Variants in NRG3 observed in about 807,000 individuals in gnomAD.
NRG3 encodes pro-neuregulin-3, membrane-bound isoform.
NRG3 carries 31 observed loss-of-function variants against 66.9 expected under a neutral mutation model. That is an observed-to-expected ratio of 0.46 (90% CI 0.35 to 0.63). The LOEUF is 0.63. Ranked by LOEUF, NRG3 falls within the 20% of genes least tolerant of loss-of-function variation. The pLI, the probability that NRG3 is intolerant of heterozygous loss-of-function variation, is 0.00. For synonymous variants in NRG3, 393 were observed against 359.4 expected, an observed-to-expected ratio of 1.09 and a Z score of -1.06; for missense variants, 910 against 878.9, an observed-to-expected ratio of 1.04 and a Z score of -0.45.
intron 2 of NRG3, among the ~76,000 whole-genome samples, chr10:82,501,649 A>G (rs573792737): frequency 4.7e-4 from 72 of 151,828 alleles, no homozygotes; most frequent in Non-Finnish European, 9.6e-4. Context: ...CTAAAATATT[A>G]TTTTCCCAGA....
intron 2 of NRG3, among the ~76,000 whole-genome samples, chr10:82,705,396 C>G (rs545003130): frequency 2.2e-4 from 33 of 152,248 alleles, no homozygotes; most frequent in Non-Finnish European, 4.4e-4. Flanking sequence ...GGGGGCAGAG[C>G]CCAGCAATCT....
chr10:82,015,134 G>A (rs781771408), intron 1 of NRG3, among the ~76,000 whole-genome samples: 15 of 152,134 alleles, frequency 9.9e-5, no homozygotes, highest in Non-Finnish European at 2.2e-4. Context: ...TCGAGGTAGG[G>A]ACAACAATGT....
intron 1 of NRG3, 130 bp from the exon 2 acceptor site, chr10:82,358,609 T>A (rs2083924853): frequency 8.1e-7 from 1 of 1,235,122 alleles, no homozygotes; most frequent in Non-Finnish European, 1.2e-6. Context: ...GGGTTGGAGC[T>A]GTCTGTCTAG....
chr10:82,306,903 G>A (rs960287973), intron 1 of NRG3, among the ~76,000 whole-genome samples: 4 of 151,826 alleles, frequency 2.6e-5, no homozygotes, highest in African/African-American at 9.7e-5. Flanking sequence ...ACTTCATCAA[G>A]CTGTAGCTCT....
At chr10:82,254,026 C>G (rs2077600429) in intron 1 of NRG3, among the ~76,000 whole-genome samples, 1 of 152,204 alleles carries the variant, frequency 6.6e-6, no homozygotes, top group East Asian at 1.9e-4. Context: ...ATCACATTCA[C>G]AGTTTTTCAC....
chr10:82,522,039 C>CTTT (rs71009811), intron 2 of NRG3, among the ~76,000 whole-genome samples: 81 of 97,728 alleles, frequency 8.3e-4, no homozygotes, highest in African/African-American at 1.3e-3. Context: ...CCGCTGAAGT[C>CTTT]TTTTTTTTTT....
At chr10:82,132,542 T>TATATCATATATATATATATG (rs1388724448) in intron 1 of NRG3, among the ~76,000 whole-genome samples, 7 of 130,922 alleles carry the variant, frequency 5.3e-5, no homozygotes, top group Non-Finnish European at 6.3e-5. Context: ...ATATGATATA[T>TATATCATATATATATATATG]ATATATCTTT....
At chr10:82,299,193 G>T (rs768979384) in intron 1 of NRG3, among the ~76,000 whole-genome samples, 1 of 152,188 alleles carries the variant, frequency 6.6e-6, no homozygotes, top group Non-Finnish European at 1.5e-5. Context: ...GAGTGGCTGA[G>T]TCAAGGATGA....
At chr10:82,734,283 C>A (rs1488299958) in intron 2 of NRG3, among the ~76,000 whole-genome samples, 1 of 152,132 alleles carries the variant, frequency 6.6e-6, no homozygotes, top group Non-Finnish European at 1.5e-5. Context: ...ATTTCAGGTA[C>A]AGCTGGGCAG....
chr10:82,703,398 A>T (rs1054546076), intron 2 of NRG3, among the ~76,000 whole-genome samples: 5 of 152,156 alleles, frequency 3.3e-5, no homozygotes, highest in Admixed American at 6.6e-5. Context: ...CCTAACTTGG[A>T]TAATACCAAA....
At chr10:81,995,794 T>C (rs2060917350) in intron 1 of NRG3, among the ~76,000 whole-genome samples, 1 of 152,216 alleles carries the variant, frequency 6.6e-6, no homozygotes. Context: ...ACAGAATTCC[T>C]TGTACTTTCT....
chr10:82,786,025 A>G (rs1328963632), intron 3 of NRG3, among the ~76,000 whole-genome samples: 1 of 152,172 alleles, frequency 6.6e-6, no homozygotes. Flanking sequence ...GTGAGCCAAG[A>G]CAGAGGCTTG....
intron 1 of NRG3, among the ~76,000 whole-genome samples, chr10:82,111,707 A>G (rs1198017497): frequency 1.3e-5 from 2 of 152,176 alleles, no homozygotes; most frequent in Non-Finnish European, 2.9e-5. Context: ...GAGGGTCTCT[A>G]TTAAATTCTT....
intron 2 of NRG3, among the ~76,000 whole-genome samples, chr10:82,556,321 G>A (rs2044647999): frequency 6.6e-6 from 1 of 152,036 alleles, no homozygotes; most frequent in Non-Finnish European, 1.5e-5. Flanking sequence ...TCTTAGACAT[G>A]GTGAAGATGT....
chr10:82,304,254 T>C (rs1024470020), intron 1 of NRG3, among the ~76,000 whole-genome samples: 1 of 152,204 alleles, frequency 6.6e-6, no homozygotes, highest in Admixed American at 6.5e-5. Context: ...TGAATGTGAC[T>C]GGAATCTTTT....
At chr10:82,867,197 G>GA (rs1284148381) in intron 4 of NRG3, among the ~76,000 whole-genome samples, 1 of 152,094 alleles carries the variant, frequency 6.6e-6, no homozygotes, top group East Asian at 1.9e-4. Context: ...GGTAGCAAAT[G>GA]ACTAGTTTTA....
intron 3 of NRG3, among the ~76,000 whole-genome samples, chr10:82,799,540 A>AAG (rs1415431842): frequency 6.6e-6 from 1 of 151,896 alleles, no homozygotes; most frequent in Non-Finnish European, 1.5e-5. Context: ...AAAAAAAAAA[A>AAG]AAGACATTTC....
intron 2 of NRG3, among the ~76,000 whole-genome samples, chr10:82,557,674 C>T (rs987786396): frequency 6.6e-6 from 1 of 152,032 alleles, no homozygotes; most frequent in Admixed American, 6.6e-5. Context: ...GATCATGAGC[C>T]TGACACTGGT....
chr10:82,585,168 G>C (rs964532824), intron 2 of NRG3, among the ~76,000 whole-genome samples: 2 of 151,792 alleles, frequency 1.3e-5, no homozygotes, highest in Non-Finnish European at 2.9e-5. Context: ...CAACTCATAA[G>C]GTTTTTTTTT....
Sources: allele counts gnomAD v4.1 joint callset (sites outside exome capture counted in the v4.1 genomes callset), GRCh38; gene constraint gnomAD v4.1.1; transcripts MANE v1.5; gene names NCBI Gene and HGNC (gene_info 2026-07-23, HGNC 2026-07-21).